PRRC2B: variants seen among roughly 807,000 people sequenced by gnomAD.
PRRC2B encodes protein PRRC2B.
Under a neutral mutation model 242.3 loss-of-function variants are expected in PRRC2B, and 68 were observed. That is an observed-to-expected ratio of 0.28 (90% confidence interval 0.23 to 0.34). The LOEUF is 0.34. Among genes scored for constraint, PRRC2B ranks in the 10% least tolerant of loss-of-function variants. The pLI is 1.00. For synonymous variants in PRRC2B, 1,228 were observed against 1,173.6 expected, an observed-to-expected ratio of 1.05 and a Z score of -0.95; for missense variants, 2,835 against 2,954.8, an observed-to-expected ratio of 0.96 and a Z score of 0.94.
chr9:131,392,513 C>A (rs960763155), upstream of PRRC2B, among the ~76,000 whole-genome samples: 1 of 152,164 alleles, frequency 6.6e-6, no homozygotes, highest in East Asian at 1.9e-4. Context: ...ATTCTATGGC[C>A]TTCCTGAAGA....
upstream of PRRC2B, among the ~76,000 whole-genome samples, chr9:131,389,922 T>TTG (rs1836876333): frequency 7.7e-6 from 1 of 129,674 alleles, no homozygotes; most frequent in African/African-American, 2.9e-5. Context: ...GTTGTTTTTT[T>TTG]TTTTGTTTTT....
rs1426742623 is a variant in PRRC2B at position 131,430,589 on chromosome 9, GTGTGTGTA to G, written c.115+332_115+339del. On this transcript the variant is annotated intron_variant, in intron 2 of 31. Coordinates refer to ENST00000683519, the MANE Select transcript of PRRC2B (RefSeq NM_013318.4). The stretch of plus-strand genomic sequence containing the variant: ...TGTGTGTGTGTGTGTGTGTGTGTGT[GTGTGTGTA>G]TATATATGTTTTGGAGACAGAGTCT... 2.8e-3 allele frequency among the ~76,000 whole-genome samples: 383 copies of G among 138,276 alleles called. 4 individuals carry two copies. Among genetic ancestry groups the G allele is most frequent in the Middle Eastern group, 0.01 (3 of 286 alleles). The allele number at this position is 138,276 out of a possible 152,430, so 90.7% of individuals were successfully genotyped here. A position where few individuals can be genotyped will look rare whatever the true frequency, so the allele number is the denominator to read the frequency against.
At chr9:131,483,146 G>A (rs1178961241) in intron 22 of PRRC2B, among the ~76,000 whole-genome samples, 12 of 152,146 alleles carry the variant, frequency 7.9e-5, no homozygotes, top group Admixed American at 7.9e-4. Context: ...TTTCTGTCAG[G>A]CCACCCAAGG....
chr9:131,394,472 G>A (rs1178215122), intron 1 of PRRC2B, among the ~76,000 whole-genome samples: 1 of 146,950 alleles, frequency 6.8e-6, no homozygotes, highest in Admixed American at 6.8e-5. Context: ...GCGGGGCCTG[G>A]GGGCGGCGGG....
At chr9:131,490,799 A>T in intron 28 of PRRC2B, 1 of 340,318 alleles carries the variant, frequency 2.9e-6, no homozygotes, top group South Asian at 2.3e-5. Flanking sequence ...GTGCTGTACA[A>T]AGGAATGCAG....
chr9:131,430,579 G>GTGTGTA (rs1838126557), intron 2 of PRRC2B, among the ~76,000 whole-genome samples: 4 of 136,274 alleles, frequency 2.9e-5, no homozygotes, highest in African/African-American at 1.2e-4. Context: ...GTGTGTGTGT[G>GTGTGTA]TGTGTGTGTG....
chr9:131,413,100 A>G (rs887348181), intron 1 of PRRC2B, among the ~76,000 whole-genome samples: 7 of 152,240 alleles, frequency 4.6e-5, no homozygotes, highest in Admixed American at 2.6e-4. Flanking sequence ...TTATATTCTT[A>G]GCTCCTACAA....
At chr9:131,485,348 G>A (rs1336794829) in intron 25 of PRRC2B, among the ~76,000 whole-genome samples, 6 of 152,232 alleles carry the variant, frequency 3.9e-5, no homozygotes, top group African/African-American at 1.2e-4. Context: ...AGAACTGGGG[G>A]ATAACAGCGA....
Position 131,436,682 on chromosome 9 carries a change from T to C in PRRC2B, c.356T>C (p.Val119Ala). Residue 119 changes from valine to alanine, a missense_variant, in exon 4 of 32, where the codon GTC becomes GCC. Physicochemically the swap from Val to Ala is moderately conservative, Grantham distance 64. Around this residue, in one of 7 missense-constraint regions of PRRC2B, gnomAD observed 626 missense variants for 685.5 expected, o/e 0.91. Transcript: ENST00000683519. ...SLPQPGLQKSVSNLQKPTQSI... is the reference protein window; with the variant it reads ...SLPQPGLQKSASNLQKPTQSI... ...CCGCAGCCGGGTTTGCAGAAATCTG[T>C]CTCCAATTTGCAGAAACCGACACAG... is the stretch of plus-strand genomic sequence containing the variant. 6.2e-7 allele frequency: 1 copy of C among 1,614,006 alleles called. No homozygotes were observed. Among genetic ancestry groups the C allele is most frequent in the Non-Finnish European group, 8.5e-7 (1 of 1,179,884 alleles).
Position 131,481,742 on chromosome 9 carries a change from C to T in PRRC2B, c.4917C>T (p.Ala1639=), listed in dbSNP as rs1486040775. ...ESSSQALPVQ[A]PANDSWRKAV... ...CCCTGGCAGCTCTCCCTGTGCAGGC[C>T]CCAGCCAACGACTCCTGGAGGAAAG... The change falls in exon 20 of 32, where the codon GCC becomes GCT. Residue 1639 remains alanine (A), a synonymous_variant. Transcript: ENST00000683519. 6.4e-7 allele frequency: 1 copy of T among 1,564,312 alleles called. No individual in the cohort carries two copies. The highest frequency in any genetic ancestry group is 1.9e-5 in the Admixed American group (1 of 53,028).
intron 10 of PRRC2B, 40 bp from the exon 11 acceptor site, chr9:131,459,124 C>T: frequency 6.3e-7 from 1 of 1,588,530 alleles, no homozygotes; most frequent in South Asian, 1.1e-5. Context: ...AATGCTTGGC[C>T]TGAGTGCAAA....
chr9:131,380,576 C>T (rs567676698), intron 1 of PRRC2B, among the ~76,000 whole-genome samples: 2 of 148,012 alleles, frequency 1.4e-5, no homozygotes, highest in African/African-American at 5.0e-5. Context: ...AAAAACTCCG[C>T]CTCAAAAAAG....
At chr9:131,426,865 C>A (rs1056775213) in intron 1 of PRRC2B, among the ~76,000 whole-genome samples, 5 of 152,236 alleles carry the variant, frequency 3.3e-5, no homozygotes, top group African/African-American at 1.2e-4. Flanking sequence ...ATTGTGACAT[C>A]AAAAATGCTC....
rs746552526 is a variant in PRRC2B at position 131,430,133 on chromosome 9, C to T, written c.-12C>T. ...CGAGAAAAATTTCCTTACTAGATGA[C>T]ATTTCATCGCAATGTCCGATCGTTT... On this transcript the variant is annotated 5_prime_UTR_variant, in exon 2 of 32. Transcript: ENST00000683519. The T allele has an allele frequency of 6.5e-7, 1 of 1,549,132 alleles. No individual in the cohort carries two copies. The highest frequency in any genetic ancestry group is 1.8e-5 in the Admixed American group (1 of 55,440).
intron 1 of PRRC2B, among the ~76,000 whole-genome samples, chr9:131,400,826 T>G (rs553110843): frequency 1.3e-5 from 2 of 152,292 alleles, no homozygotes; most frequent in African/African-American, 4.8e-5. Context: ...TGGAGAAGCC[T>G]TTTGTCTTAA....
chr9:131,432,784 G>A lies in PRRC2B; in HGVS notation c.283G>A (p.Asp95Asn), dbSNP rs1838221069. The A allele has an allele frequency of 5.0e-6, 8 of 1,613,988 alleles. No individual in the cohort carries two copies. The highest frequency in any genetic ancestry group is 6.8e-6 in the Non-Finnish European group (8 of 1,179,878). ...TGWANKQDQQ[D>N]PKSSSATASQ... ...ATGGGCAAACAAGCAGGATCAGCAA[G>A]ACCCAAAGAGGTAAACGGAGGAGGC... The change falls in exon 3 of 32, where the codon GAC (aspartate) becomes AAC (asparagine). Residue 95 changes from aspartate (D) to asparagine (N), a missense_variant. Around this residue, in one of 7 missense-constraint regions of PRRC2B, gnomAD observed 626 missense variants for 685.5 expected, o/e 0.91. Coordinates refer to ENST00000683519, the MANE Select transcript of PRRC2B (RefSeq NM_013318.4).
intron 1 of PRRC2B, among the ~76,000 whole-genome samples, chr9:131,374,311 A>AAAAT (rs1026241796): frequency 6.6e-5 from 10 of 151,980 alleles, no homozygotes; most frequent in African/African-American, 1.2e-4. Flanking sequence ...ACTCTGTCTC[A>AAAAT]AAATAAATAA....
chr9:131,448,556 A>AAAAAACAAAAAAAC lies in PRRC2B; in HGVS notation c.1120+757_1120+758insCAAAAAAACAAAAA, dbSNP rs1564287306. ...GAGACACTGTCTCAAAAAAAAAAAA[A>AAAAAACAAAAAAAC]AAAAAAAAAAAAAAGGAAAGAGAAA... On this transcript the variant is annotated intron_variant, in intron 9 of 31. Transcript: ENST00000683519. Among the ~76,000 whole-genome samples the AAAAAACAAAAAAAC allele has an allele frequency of 3.9e-5, 5 of 127,210 alleles. 1 individual carries two copies. The highest frequency in any genetic ancestry group is 6.7e-5 in the Non-Finnish European group (4 of 59,418). 83.5% of individuals were successfully genotyped at this position (127,210 alleles called of 152,430 possible).
At chr9:131,412,797 C>CTCTT (rs1554757980) in intron 1 of PRRC2B, among the ~76,000 whole-genome samples, 16 of 138,046 alleles carry the variant, frequency 1.2e-4, no homozygotes, top group Non-Finnish European at 2.3e-4. Context: ...CTCTCTCTCT[C>CTCTT]TTTTTTTTTT....
Sources: allele counts gnomAD v4.1 joint callset (sites outside exome capture counted in the v4.1 genomes callset), GRCh38; gene constraint gnomAD v4.1.1; regional missense constraint gnomAD v4.1.1; transcripts MANE v1.5; gene names NCBI Gene and HGNC (gene_info 2026-07-23, HGNC 2026-07-21).